SDK1: variants seen among roughly 807,000 people sequenced by gnomAD.
SDK1 encodes protein sidekick-1.
SDK1 carries 157 observed loss-of-function variants against 245.5 expected under a neutral mutation model. That is an observed-to-expected ratio of 0.64 (90% CI 0.56 to 0.73). The LOEUF is 0.73. SDK1 is among the 30% of genes least tolerant of loss of function. SDK1 has a pLI of 0.00. For synonymous variants in SDK1, 1,647 were observed against 1,278.5 expected (o/e 1.29, Z -6.15); for missense variants, 3,583 against 3,002.3 (o/e 1.19, Z -4.52).
chr7:3,671,028 A>G (rs1327504533), intron 4 of SDK1, among the ~76,000 whole-genome samples: 1 of 152,184 alleles, frequency 6.6e-6, no homozygotes, highest in Non-Finnish European at 1.5e-5. Context: ...TTGCATAACT[A>G]GTTCCTTGAG....
rs115156837 is a variant in SDK1 at position 4,078,333 on chromosome 7, A to G, written c.3203-1130A>G. 1.3e-3 allele frequency among the ~76,000 whole-genome samples: 203 copies of G among 152,350 alleles called. 1 individual carries two copies. Among genetic ancestry groups the G allele is most frequent in the African/African-American group, 4.7e-3 (196 of 41,578 alleles). The stretch of plus-strand genomic sequence containing the variant: ...CCGTGCTTGAAGTTTATCGCCATTA[A>G]TGATTGAAGAACCATTTAAAAATCC... On this transcript the variant is annotated intron_variant, in intron 21 of 44. Coordinates refer to ENST00000404826, the MANE Select transcript of SDK1 (RefSeq NM_152744.4).
At chr7:3,904,828 C>T (rs1781908191) in intron 5 of SDK1, among the ~76,000 whole-genome samples, 1 of 151,960 alleles carries the variant, frequency 6.6e-6, no homozygotes, top group Non-Finnish European at 1.5e-5. Context: ...CCCGTCTCTA[C>T]TGAAAATACA....
At chr7:3,661,045 G>A (rs1387675817) in intron 4 of SDK1, among the ~76,000 whole-genome samples, 1 of 152,108 alleles carries the variant, frequency 6.6e-6, no homozygotes, top group Non-Finnish European at 1.5e-5. Context: ...CGTGTTCATG[G>A]TCATTTCAAC....
chr7:4,017,050 C>G (rs1399712712), intron 16 of SDK1, 121 bp from the exon 17 acceptor site: 1 of 932,352 alleles, frequency 1.1e-6, no homozygotes, highest in Non-Finnish European at 1.6e-6. Flanking sequence ...GGGCTGACCT[C>G]TCAGCTCTGC....
At position 3,634,693 on chromosome 7, in the gene SDK1, A is replaced by T. The variant is rs1378838321; in HGVS notation, c.459-4311A>T. On this transcript the variant is annotated intron_variant, in intron 2 of 44. Coordinates refer to ENST00000404826, the MANE Select transcript of SDK1 (RefSeq NM_152744.4). ...ATGAATATTCCCATCTGTTAGGTGA[A>T]CATAATTTGTGTAGGAATTCCCATA... Among the ~76,000 whole-genome samples, 11 of 152,376 alleles carry T rather than the reference A, an allele frequency of 7.2e-5. No homozygotes were observed. The East Asian group carries it at 2.1e-3, about 29-fold the overall frequency.
chr7:3,521,818 G>A (rs1782949753), intron 1 of SDK1, among the ~76,000 whole-genome samples: 1 of 152,130 alleles, frequency 6.6e-6, no homozygotes, highest in Non-Finnish European at 1.5e-5. Context: ...AGTTGTACAA[G>A]GTTTGGAGAG....
chr7:3,802,167 T>G (rs1779123532), intron 4 of SDK1, among the ~76,000 whole-genome samples: 1 of 152,180 alleles, frequency 6.6e-6, no homozygotes, highest in African/African-American at 2.4e-5. Context: ...TTGACACTAG[T>G]ACAATGTGTG....
rs189843727 is a variant in SDK1, at chr7:3,579,250, T to C, written c.299-39830T>C. On this transcript the variant is annotated intron_variant, in intron 1 of 44. Transcript: ENST00000404826. ...CAGAAAAAAATGACTTTAGCCAATA[T>C]CCTTGATGAACGTTGATGGAAATAT... is the stretch of plus-strand genomic sequence containing the variant. Among the ~76,000 whole-genome samples the C allele has an allele frequency of 1.2e-3, 179 of 149,770 alleles. 1 individual carries two copies. The highest frequency in any genetic ancestry group is 4.3e-3 in the African/African-American group (176 of 41,406).
intron 1 of SDK1, among the ~76,000 whole-genome samples, chr7:3,617,635 A>T (rs886896168): frequency 6.6e-6 from 1 of 152,224 alleles, no homozygotes; most frequent in African/African-American, 2.4e-5. Context: ...CCTTTGTGCT[A>T]TATCATCCTG....
intron 17 of SDK1, among the ~76,000 whole-genome samples, chr7:4,031,885 G>T (rs1787844564): frequency 1.3e-5 from 2 of 151,940 alleles, no homozygotes; most frequent in South Asian, 4.2e-4. Context: ...AAATTAGCCG[G>T]GCATGGTGGT....
intron 25 of SDK1, among the ~76,000 whole-genome samples, chr7:4,115,707 G>A (rs1037907545): frequency 1.5e-4 from 23 of 152,224 alleles, no homozygotes; most frequent in Admixed American, 2.6e-4. Context: ...CAGAGTCCTC[G>A]GAAATGCCCC....
At chr7:4,007,953 C>T (rs549347785) in intron 14 of SDK1, among the ~76,000 whole-genome samples, 6 of 152,272 alleles carry the variant, frequency 3.9e-5, no homozygotes, top group East Asian at 1.9e-4. Flanking sequence ...TGTAAGTGCA[C>T]GGCTCAGTGG....
chr7:3,430,895 C>T (rs1342200881), intron 1 of SDK1, among the ~76,000 whole-genome samples: 1 of 152,112 alleles, frequency 6.6e-6, no homozygotes, highest in African/African-American at 2.4e-5. Flanking sequence ...CTGTCTTTTA[C>T]CTTTTTTTGT....
chr7:3,550,388 C>T (rs144916974), intron 1 of SDK1, among the ~76,000 whole-genome samples: 157 of 152,230 alleles, frequency 1.0e-3, no homozygotes, highest in African/African-American at 3.6e-3. Flanking sequence ...CATACTGTGG[C>T]ACGAGTAAGA....
chr7:3,805,591 C>A (rs1265664882), intron 4 of SDK1, among the ~76,000 whole-genome samples: 2 of 152,196 alleles, frequency 1.3e-5, no homozygotes, highest in Non-Finnish European at 2.9e-5. Flanking sequence ...GCAGTTCCCC[C>A]AGTGGAGACT....
intron 1 of SDK1, among the ~76,000 whole-genome samples, chr7:3,573,711 C>G (rs1780188569): frequency 6.6e-6 from 1 of 151,994 alleles, no homozygotes; most frequent in South Asian, 2.1e-4. Flanking sequence ...AACTAGAAAG[C>G]TGGAGGCTTT....
chr7:3,549,756 A>G (rs554518712), intron 1 of SDK1, among the ~76,000 whole-genome samples: 1 of 152,334 alleles, frequency 6.6e-6, no homozygotes, highest in East Asian at 1.9e-4. Context: ...AGCTTTATTA[A>G]TGCACGTCAA....
intron 1 of SDK1, among the ~76,000 whole-genome samples, chr7:3,406,531 G>C (rs1779060181): frequency 6.6e-6 from 1 of 152,166 alleles, no homozygotes; most frequent in African/African-American, 2.4e-5. Context: ...CTGTGGGCCA[G>C]TTCGTTAATC....
At chr7:3,701,148 A>G (rs1230621049) in intron 4 of SDK1, among the ~76,000 whole-genome samples, 2 of 152,230 alleles carry the variant, frequency 1.3e-5, no homozygotes, top group Non-Finnish European at 2.9e-5. Context: ...ACATTTCTAT[A>G]CAGTAGCAGT....
Sources: gnomAD v4.1 joint callset for allele counts (sites outside exome capture counted in the v4.1 genomes callset) on GRCh38, gnomAD v4.1.1 for gene constraint, MANE v1.5 for transcripts, NCBI Gene and HGNC (gene_info 2026-07-23, HGNC 2026-07-21) for gene names.